Variants in RSRP1 observed in about 807,000 individuals in gnomAD.
The protein encoded by RSRP1 is arginine/serine-rich protein 1.
A neutral mutation model predicts 33.0 loss-of-function variants in RSRP1; 37 were observed. That is an observed-to-expected ratio of 1.12 (90% CI 0.86 to 1.48). The LOEUF is 1.48. RSRP1 is among the 40% of genes most tolerant of loss of function. RSRP1 has a pLI of 0.00. For synonymous variants in RSRP1, 167 were observed against 158.7 expected (o/e 1.05, Z -0.40); for missense variants, 402 against 385.3 (o/e 1.04, Z -0.36).
chr1:25,332,017 G>T (rs1409833555), intron 1 of RSRP1, among the ~76,000 whole-genome samples: 1 of 125,168 alleles, frequency 8.0e-6, no homozygotes, highest in African/African-American at 2.7e-5. Flanking sequence ...TGGGATTACA[G>T]GCATGAGCCA....
chr1:25,244,124 C>T, intron 3 of RSRP1: 1 of 1,281,066 alleles, frequency 7.8e-7, no homozygotes, highest in Non-Finnish European at 1.0e-6. Flanking sequence ...GTGAAAAGTA[C>T]AGTGCAATTT....
chr1:25,250,182 C>T (rs61777583), upstream of RSRP1, among the ~76,000 whole-genome samples: 1 of 152,086 alleles, frequency 6.6e-6, no homozygotes, highest in Non-Finnish European at 1.5e-5. Flanking sequence ...ATAAACAGTT[C>T]CAGGTACAGG....
chr1:25,335,863 T>C (rs1645069061), intron 1 of RSRP1: 1 of 76,028 alleles, frequency 1.3e-5, no homozygotes, highest in African/African-American at 4.0e-5. Context: ...GGCACAATCT[T>C]GGCTCACTAC....
intron 1 of RSRP1, among the ~76,000 whole-genome samples, chr1:25,322,441 G>A (rs1263692547): frequency 1.5e-5 from 2 of 133,090 alleles, no homozygotes; most frequent in African/African-American, 5.1e-5. Flanking sequence ...GGGAGGCTGA[G>A]GTGGGGCGAT....
chr1:25,291,732 T>C (rs1384518224), intron 1 of RSRP1, among the ~76,000 whole-genome samples: 1 of 132,792 alleles, frequency 7.5e-6, no homozygotes, highest in African/African-American at 2.6e-5. Context: ...TGTCAGTAAC[T>C]GCATATGTCC....
At chr1:25,246,296 A>G in intron 2 of RSRP1, 148 bp downstream of exon 2, 2 of 1,266,010 alleles carry the variant, frequency 1.6e-6, no homozygotes, top group South Asian at 2.9e-5. Context: ...CCACTTAAAT[A>G]CAGGTAATGT....
chr1:25,306,492 C>T (rs1424005468), intron 1 of RSRP1: 2 of 1,087,408 alleles, frequency 1.8e-6, no homozygotes, highest in African/African-American at 1.5e-5. Flanking sequence ...AGCCTTAGTG[C>T]CCATCCCCCT....
At chr1:25,256,303 C>A (rs570225115) in intron 1 of RSRP1, among the ~76,000 whole-genome samples, 2 of 151,890 alleles carry the variant, frequency 1.3e-5, no homozygotes, top group Admixed American at 1.3e-4. Flanking sequence ...TACAGGCATG[C>A]GCCACTACAC....
intron 1 of RSRP1, among the ~76,000 whole-genome samples, chr1:25,263,525 T>G (rs1557501269): frequency 6.6e-6 from 1 of 151,956 alleles, no homozygotes; most frequent in Non-Finnish European, 1.5e-5. Context: ...CCTGTTAGAC[T>G]TATTCACTAT....
chr1:25,331,906 AC>A (rs1645019312), intron 1 of RSRP1, among the ~76,000 whole-genome samples: 1 of 128,120 alleles, frequency 7.8e-6, no homozygotes. Context: ...CGCCCGGCTA[AC>A]TTTTTTGTAT....
Position 25,270,616 on chromosome 1 carries a change from A to T in RSRP1, c.-66-23587T>A, listed in dbSNP as rs368120702. ...TACAAAACCCGTCCCTGGTGCCAAAAAGCTTGGGGACCCCTGATCTAGGCT... is the reference window on the plus strand; with the variant it reads ...TACAAAACCCGTCCCTGGTGCCAAATAGCTTGGGGACCCCTGATCTAGGCT... On this transcript the variant is annotated intron_variant, in intron 1 of 1. Transcript: ENST00000561867. Among the ~76,000 whole-genome samples the T allele has an allele frequency of 7.9e-4, 105 of 132,134 alleles. 3 individuals carry two copies. The highest frequency in any genetic ancestry group is 2.6e-3 in the African/African-American group (101 of 38,754). 86.7% of individuals were successfully genotyped at this position (132,134 alleles called of 152,430 possible). A position where few individuals can be genotyped will look rare whatever the true frequency, so the allele number is the denominator to read the frequency against.
At chr1:25,276,499 C>G (rs1251991590) in intron 1 of RSRP1, among the ~76,000 whole-genome samples, 10 of 102,744 alleles carry the variant, frequency 9.7e-5, no homozygotes, top group African/African-American at 3.4e-4. Context: ...TCAAGACGAG[C>G]CTAGGAAACA....
chr1:25,259,341 C>T (rs1162880572), intron 1 of RSRP1, among the ~76,000 whole-genome samples: 3 of 152,078 alleles, frequency 2.0e-5, no homozygotes, highest in Admixed American at 2.0e-4. Context: ...GATCTGCCTG[C>T]CTCGGCCTCC....
rs1335794986 is a variant in RSRP1 at position 25,300,649 on chromosome 1, A to C, written c.-67+37329T>G. 3.0e-5 allele frequency among the ~76,000 whole-genome samples: 4 copies of C among 131,308 alleles called. 1 individual carries two copies. The highest frequency in any genetic ancestry group is 7.2e-5 in the Non-Finnish European group (4 of 55,622). The allele number at this position is 131,308 out of a possible 152,430, so 86.1% of individuals were successfully genotyped here. On this transcript the variant is annotated intron_variant, in intron 1 of 1. Coordinates refer to the RSRP1 transcript ENST00000561867. ...ACACGGTGAAACCCCATCTCTACTA[A>C]AAATACAAAATTAGCCCAGCGTAGT...
intron 1 of RSRP1, among the ~76,000 whole-genome samples, chr1:25,266,405 G>C (rs567605263): frequency 0.025 from 3,156 of 128,334 alleles, 802 homozygotes; most frequent in Non-Finnish European, 0.043. Context: ...GTCACTAACG[G>C]GAATTTAAAA....
upstream of RSRP1, among the ~76,000 whole-genome samples, chr1:25,250,703 G>C (rs1485265582): frequency 1.3e-5 from 2 of 152,158 alleles, no homozygotes; most frequent in Non-Finnish European, 2.9e-5. Flanking sequence ...TCCATGCCCT[G>C]TTGCTGCTTC....
At chr1:25,258,898 G>A (rs1321649248) in intron 1 of RSRP1, among the ~76,000 whole-genome samples, 2 of 152,118 alleles carry the variant, frequency 1.3e-5, no homozygotes, top group Non-Finnish European at 2.9e-5. Context: ...TGTTCGCGCA[G>A]GCACTGGAGT....
Position 25,276,496 on chromosome 1 carries a change from G to A in RSRP1, c.-66-29467C>T, listed in dbSNP as rs1178801527. Among the ~76,000 whole-genome samples the A allele has an allele frequency of 2.9e-4, 29 of 99,524 alleles. 6 individuals are homozygous for A. Among genetic ancestry groups the A allele is most frequent in the Non-Finnish European group, 5.7e-4 (26 of 45,826 alleles). The allele number at this position is 99,524 out of a possible 152,430, so 65.3% of individuals were successfully genotyped here. A position where few individuals can be genotyped will look rare whatever the true frequency, so the allele number is the denominator to read the frequency against. On this transcript the variant is annotated intron_variant, in intron 1 of 1. Transcript: ENST00000561867. ...TCGCTTAAACCAAGGAGTTCAAGAC[G>A]AGCCTAGGAAACATAGGGAGACCCC...
chr1:25,283,888 G>A (rs1641720345), intron 1 of RSRP1, among the ~76,000 whole-genome samples: 2 of 134,036 alleles, frequency 1.5e-5, no homozygotes, highest in South Asian at 4.4e-4. Flanking sequence ...CCGCTTTGCT[G>A]GGCCCCTCCC....
Sources: allele counts gnomAD v4.1 joint callset (sites outside exome capture counted in the v4.1 genomes callset), GRCh38; gene constraint gnomAD v4.1.1; transcripts MANE v1.5; gene names NCBI Gene and HGNC (gene_info 2026-07-23, HGNC 2026-07-21).